Variants in RNF20 observed in about 807,000 individuals in gnomAD.
RNF20 encodes ring finger protein 20.
In RNF20, 84 loss-of-function variants were observed where a neutral mutation model predicts 126.2. That is an observed-to-expected ratio of 0.67 (90% CI 0.56 to 0.80). RNF20 has a LOEUF of 0.80. RNF20 is among the 30% of genes least tolerant of loss of function. The pLI is 0.00. For synonymous variants in RNF20, 400 were observed against 414.3 expected (o/e 0.97, Z 0.42); for missense variants, 869 against 1,188.2 (o/e 0.73, Z 3.95).
chr9:101,558,492 A>G (rs1165717347), intron 16 of RNF20, among the ~76,000 whole-genome samples: 2 of 152,160 alleles, frequency 1.3e-5, no homozygotes, highest in African/African-American at 4.8e-5. Context: ...ACTGTTTTCC[A>G]TAGTGATTGT....
In RNF20 at chr9:101,554,085, GAGA is replaced by G; in HGVS notation, c.2005_2007del (p.Lys669del). On this transcript the variant is annotated inframe_deletion, in exon 14 of 20. Transcript: ENST00000389120. ...AGACAAAGTTCAGCTGATGGCAGCT[GAGA>G]AGAAGTCTAAGGCAGAGGTATTCTA... The G allele has an allele frequency of 2.5e-6, 4 of 1,608,492 alleles. No individual in the cohort carries two copies. The highest frequency in any genetic ancestry group is 3.4e-6 in the Non-Finnish European group (4 of 1,174,980).
intron 2 of RNF20, among the ~76,000 whole-genome samples, chr9:101,536,685 G>C (rs552952436): frequency 1.3e-5 from 2 of 152,212 alleles, no homozygotes; most frequent in African/African-American, 4.8e-5. Flanking sequence ...TTGTAGGGTA[G>C]CACTGACAAG....
chr9:101,546,938 A>G lies in RNF20; in HGVS notation c.866A>G (p.Asn289Ser), dbSNP rs545370411. 2 of 1,614,038 alleles carry G rather than the reference A, an allele frequency of 1.2e-6. No individual in the cohort carries two copies. The highest frequency in any genetic ancestry group is 1.7e-6 in the Non-Finnish European group (2 of 1,180,018). Residue 289 changes from asparagine to serine, a missense_variant, in exon 7 of 20, where the codon AAC becomes AGC. Asn to Ser is a conservative substitution (Grantham distance 46). Transcript: ENST00000389120. Reference sequence around the variant, plus strand: ...ATTCGAAAGAGGGAACAGCGACTCAACCGACACTTAGCAGAAGTCCTAGAA... The same window carrying G: ...ATTCGAAAGAGGGAACAGCGACTCAGCCGACACTTAGCAGAAGTCCTAGAA... ...DKIRKREQRL[N>S]RHLAEVLERV...
In RNF20 at chr9:101,562,351, C is replaced by T; in HGVS notation, c.2857C>T (p.Arg953Cys). The change falls in exon 20 of 20, where the codon CGC (arginine) becomes TGC (cysteine). Residue 953 changes from arginine (R) to cysteine (C), a missense_variant. By Grantham distance (180) the Arg-to-Cys change is radical. This residue lies in a region of RNF20 where 36 missense variants were observed against 85.6 expected (regional missense o/e 0.42). Transcript: ENST00000389120. ...GTGTGTGAAGACACGCTATGACACC[C>T]GCCAGCGCAAATGTCCCAAGTGTAA... ...FECVKTRYDT[R>C]QRKCPKCNAA... 1 of 1,614,008 alleles carries T rather than the reference C, an allele frequency of 6.2e-7. No homozygotes were observed. The highest frequency in any genetic ancestry group is 8.5e-7 in the Non-Finnish European group (1 of 1,179,954).
intron 9 of RNF20, among the ~76,000 whole-genome samples, chr9:101,548,778 T>C (rs1358513843): frequency 6.6e-6 from 1 of 152,096 alleles, no homozygotes; most frequent in African/African-American, 2.4e-5. Flanking sequence ...GTAGGAGTTG[T>C]TGAGAAAAAT....
chr9:101,539,928 C>T (rs1827233570), intron 2 of RNF20, among the ~76,000 whole-genome samples: 1 of 151,796 alleles, frequency 6.6e-6, no homozygotes, highest in Non-Finnish European at 1.5e-5. Flanking sequence ...GGATGGTGGC[C>T]TTAAAGCAGC....
rs1827249508 is a variant in RNF20, at chr9:101,540,790, C to T, written c.446-3C>T. The T allele has an allele frequency of 1.9e-6, 3 of 1,612,666 alleles. No homozygotes were observed. In the African/African-American group the frequency reaches 4.0e-5, roughly 22 times the overall value. On this transcript the variant is annotated splice_polypyrimidine_tract_variant and splice_region_variant and intron_variant, in intron 4 of 19. Transcript: ENST00000389120. ...GCTTCTTTTTTTCCCCCTGTGTCCT[C>T]AGGGGAAGGGCAAGAGCCAGCTTTC...
chr9:101,561,782 A>G (rs1423153423), intron 18 of RNF20, 128 bp from the exon 19 acceptor site: 3 of 746,582 alleles, frequency 4.0e-6, no homozygotes, highest in East Asian at 2.5e-5. Flanking sequence ...CTACATTTCT[A>G]CAAGATAATT....
chr9:101,535,581 G>T, intron 2 of RNF20, 29 bp downstream of exon 2: 1 of 1,590,828 alleles, frequency 6.3e-7, no homozygotes, highest in Admixed American at 1.8e-5. Context: ...ATGAAAGTGT[G>T]CTTGTCTTCT....
chr9:101,540,027 C>A (rs1389207257), intron 2 of RNF20, 176 bp from the exon 3 acceptor site: 1 of 627,136 alleles, frequency 1.6e-6, no homozygotes, highest in Non-Finnish European at 2.7e-6. Flanking sequence ...CTCACACCAT[C>A]ATATACCTGT....
At chr9:101,547,715 GCC>G (rs1827375564) in intron 9 of RNF20, among the ~76,000 whole-genome samples, 197 bp downstream of exon 9, 1 of 152,114 alleles carries the variant, frequency 6.6e-6, no homozygotes, top group African/African-American at 2.4e-5. Context: ...TATAAAACAA[GCC>G]CACAGCCAAC....
Position 101,552,486 on chromosome 9 carries a change from C to G in RNF20, c.1634C>G (p.Ser545Cys). 2 of 1,614,020 alleles carry G rather than the reference C, an allele frequency of 1.2e-6. No homozygotes were observed. The highest frequency in any genetic ancestry group is 1.7e-6 in the Non-Finnish European group (2 of 1,179,938). Residue 545 changes from serine to cysteine, a missense_variant, in exon 13 of 20, where the codon TCC (serine) becomes TGC (cysteine). Ser to Cys is a moderately radical substitution (Grantham distance 112, BLOSUM62 -1). This residue lies in a region of RNF20 where 231 missense variants were observed against 263.6 expected (regional missense o/e 0.88). Coordinates refer to ENST00000389120, the MANE Select transcript of RNF20 (RefSeq NM_019592.7). Reference protein sequence around the residue: ...ELKPDSEDLSSQSSASKASQE... With the variant: ...ELKPDSEDLSCQSSASKASQE... ...AAACCAGATTCTGAGGACTTATCCT[C>G]CCAGTCCTCAGCTTCAAAGGCATCT...
intron 9 of RNF20, among the ~76,000 whole-genome samples, chr9:101,549,440 A>G (rs1439071316): frequency 2.6e-5 from 4 of 152,198 alleles, no homozygotes; most frequent in Non-Finnish European, 5.9e-5. Context: ...AGTCAGGTGT[A>G]CAGGATGGAA....
At chr9:101,540,456 T>TG in intron 3 of RNF20, 34 bp from the exon 4 acceptor site, 2 of 1,611,672 alleles carry the variant, frequency 1.2e-6, no homozygotes, top group Non-Finnish European at 1.7e-6. Flanking sequence ...GTTGTGTCCT[T>TG]TGTTTCTTCA....
rs1827355644 is a variant in RNF20 at position 101,546,845 on chromosome 9, A to G, written c.773A>G (p.Glu258Gly). The G allele has an allele frequency of 6.2e-7, 1 of 1,614,118 alleles. No individual in the cohort carries two copies. Among genetic ancestry groups the G allele is most frequent in the African/African-American group, 1.3e-5 (1 of 75,034 alleles). The change falls in exon 7 of 20, where the codon GAG (glutamate) becomes GGG (glycine). Residue 258 changes from glutamate (E) to glycine (G), a missense_variant. Glu to Gly is a moderately conservative substitution (Grantham distance 98, BLOSUM62 -2). Around this residue, in one of 8 missense-constraint regions of RNF20, gnomAD observed 103 missense variants for 94.3 expected, o/e 1.09. Transcript: ENST00000389120. ...QEFSKLQSKV[E>G]TAESRVSVLE... ...TTCTCCAAGTTGCAGAGTAAAGTGG[A>G]GACAGCCGAATCACGAGTGTCTGTC...
intron 2 of RNF20, 119 bp from the exon 3 acceptor site, chr9:101,540,084 T>G (rs1410425399): frequency 3.1e-6 from 3 of 975,426 alleles, no homozygotes; most frequent in Non-Finnish European, 4.5e-6. Context: ...TAAGATTTTT[T>G]AAAAGTCAAT....
At chr9:101,550,961 C>T (rs1438961982) in intron 10 of RNF20, among the ~76,000 whole-genome samples, 176 bp downstream of exon 10, 1 of 152,148 alleles carries the variant, frequency 6.6e-6, no homozygotes, top group African/African-American at 2.4e-5. Context: ...AAATTCCTGC[C>T]CTCACAGATC....
At chr9:101,541,008 G>C in intron 5 of RNF20, 33 bp downstream of exon 5, 1 of 1,560,118 alleles carries the variant, frequency 6.4e-7, no homozygotes, top group Non-Finnish European at 8.8e-7. Flanking sequence ...GGGAGTAGTG[G>C]AGGAGGAATA....
intron 5 of RNF20, among the ~76,000 whole-genome samples, chr9:101,543,373 G>T (rs982733951): frequency 6.8e-6 from 1 of 147,624 alleles, no homozygotes; most frequent in Non-Finnish European, 1.5e-5. Flanking sequence ...CCCTGCCAGG[G>T]CGGCACTGTC....
Sources: gnomAD v4.1 joint callset for allele counts (sites outside exome capture counted in the v4.1 genomes callset) on GRCh38, gnomAD v4.1.1 for gene constraint, gnomAD v4.1.1 regional missense constraint, MANE v1.5 for transcripts, NCBI Gene and HGNC (gene_info 2026-07-23, HGNC 2026-07-21) for gene names.